The following SDK1 variants were observed in gnomAD, a reference collection of about 807,000 sequenced individuals.
The protein encoded by SDK1 is sidekick cell adhesion molecule 1, also known as protein sidekick-1.
Under a neutral mutation model 245.5 loss-of-function variants are expected in SDK1, and 157 were observed. The observed-to-expected ratio is 0.64, with a 90% confidence interval of 0.56 to 0.73. The LOEUF is 0.73. Among genes scored for constraint, SDK1 ranks in the 30% least tolerant of loss-of-function variants. SDK1 has a pLI of 0.00. For missense variants in SDK1, 3,583 were observed against 3,002.3 expected (o/e 1.19, Z -4.52); for synonymous variants, 1,647 against 1,278.5 (o/e 1.29, Z -6.15).
At chr7:4,136,430 A>C (rs989712906) in intron 28 of SDK1, among the ~76,000 whole-genome samples, 2 of 152,252 alleles carry the variant, frequency 1.3e-5, no homozygotes, top group Non-Finnish European at 2.9e-5. Context: ...TTCTGAGTAC[A>C]TAAACACCTC....
At chr7:4,227,005 C>A in intron 40 of SDK1, 1 of 171,668 alleles carries the variant, frequency 5.8e-6, no homozygotes, top group South Asian at 1.5e-4. Context: ...GGACAGGTCC[C>A]GTGCCTGATG....
intron 1 of SDK1, among the ~76,000 whole-genome samples, chr7:3,526,353 A>G (rs1783130645): frequency 6.6e-6 from 1 of 152,160 alleles, no homozygotes; most frequent in South Asian, 2.1e-4. Flanking sequence ...TAATCTGGCA[A>G]TATTTTTCAC....
rs576927647 is a variant in SDK1, at chr7:3,795,716, C to G, written c.714-25734C>G. Among the ~76,000 whole-genome samples, 3 of 152,210 alleles carry G rather than the reference C, an allele frequency of 2.0e-5. No homozygotes were observed. In the East Asian group the frequency reaches 5.8e-4, roughly 29 times the overall value. ...ACAGATACCTGACTTAAAATGTGCC[C>G]TTTCTGAAGCATCAACTCTGAAAGT... On this transcript the variant is annotated intron_variant, in intron 4 of 44. Coordinates refer to ENST00000404826, the MANE Select transcript of SDK1 (RefSeq NM_152744.4).
rs1424788460 is a variant in SDK1, at chr7:4,268,068, C to CA, written c.*2688dup. On this transcript the variant is annotated 3_prime_UTR_variant, in exon 45 of 45. Transcript: ENST00000404826. ...ATCTCGGTTTTAAAAAGAGGACAAACAAAATGTCTCTAAGCCAGGCTAGAT... is the reference window on the plus strand; with the variant it reads ...ATCTCGGTTTTAAAAAGAGGACAAACAAAAATGTCTCTAAGCCAGGCTAGAT... The CA allele has an allele frequency of 1.0e-6, 1 of 985,288 alleles. No individual in the cohort carries two copies. The highest frequency in any genetic ancestry group is 1.2e-6 in the Non-Finnish European group (1 of 829,936). The allele number at this position is 985,288 out of a possible 1,614,324, so 61.0% of individuals were successfully genotyped here. A position where few individuals can be genotyped will look rare whatever the true frequency, so the allele number is the denominator to read the frequency against.
rs1783217855 is a variant in SDK1, at chr7:3,979,367, G to A, written c.1994+4822G>A. On this transcript the variant is annotated intron_variant, in intron 13 of 44. Transcript: ENST00000404826. ...TCCTAACAGCACCCTGCCTCCTGGG[G>A]CTGGGAACTTTCTAGCCCTTTACCC... 2.0e-5 allele frequency among the ~76,000 whole-genome samples: 3 copies of A among 152,180 alleles called. No homozygotes were observed. In the East Asian group the frequency reaches 5.8e-4, roughly 29 times the overall value.
At chr7:4,180,057 G>A (rs898454407) in intron 35 of SDK1, among the ~76,000 whole-genome samples, 12 of 152,098 alleles carry the variant, frequency 7.9e-5, no homozygotes, top group African/African-American at 2.7e-4. Flanking sequence ...AGAGAAAAGA[G>A]CTTCAGCAAG....
At chr7:3,415,182 A>G (rs1779326099) in intron 1 of SDK1, among the ~76,000 whole-genome samples, 1 of 152,178 alleles carries the variant, frequency 6.6e-6, no homozygotes, top group South Asian at 2.1e-4. Context: ...TATGAAAGGA[A>G]CCTGAAGTAC....
rs538791815 is a variant in SDK1 at position 3,371,570 on chromosome 7, G to A, written c.298+69686G>A. On this transcript the variant is annotated intron_variant, in intron 1 of 44. Transcript: ENST00000404826. ...AAAGCTGATCGAAATAAAAGAATGCGAGGAAACCAAAACTGCAATGAGACT... is the reference window on the plus strand; with the variant it reads ...AAAGCTGATCGAAATAAAAGAATGCAAGGAAACCAAAACTGCAATGAGACT... Among the ~76,000 whole-genome samples, 78 of 152,286 alleles carry A rather than the reference G, an allele frequency of 5.1e-4. 1 individual carries two copies. The highest frequency in any genetic ancestry group is 8.4e-4 in the Non-Finnish European group (57 of 68,024).
chr7:4,174,429 C>T lies in SDK1; in HGVS notation c.4936+72C>T, dbSNP rs374102554. The T allele has an allele frequency of 2.1e-5, 31 of 1,478,898 alleles. 1 individual carries two copies. The South Asian group carries it at 2.8e-4, about 13-fold the overall frequency. 91.6% of individuals were successfully genotyped at this position (1,478,898 alleles called of 1,614,324 possible). The stretch of plus-strand genomic sequence containing the variant: ...GGACCCTTGGTATCTGCTCAGTGCA[C>T]ATCATGGTGGGAAACGCTGTGGAAG... On this transcript the variant is annotated intron_variant, in intron 33 of 44. Coordinates refer to ENST00000404826, the MANE Select transcript of SDK1 (RefSeq NM_152744.4).
At chr7:4,106,217 A>G (rs758465799) in intron 22 of SDK1, among the ~76,000 whole-genome samples, 27 of 152,084 alleles carry the variant, frequency 1.8e-4, no homozygotes, top group African/African-American at 6.3e-4. Context: ...GGGCCTAGCA[A>G]TGGCTCCCTC....
intron 4 of SDK1, among the ~76,000 whole-genome samples, chr7:3,784,736 A>T (rs1400168603): frequency 6.6e-6 from 1 of 152,224 alleles, no homozygotes; most frequent in East Asian, 1.9e-4. Context: ...ATGTGAAGGA[A>T]AGGGAACCCT....
At chr7:3,574,362 CG>C (rs1562573166) in intron 1 of SDK1, among the ~76,000 whole-genome samples, 1 of 151,980 alleles carries the variant, frequency 6.6e-6, no homozygotes, top group Non-Finnish European at 1.5e-5. Context: ...ATGATTCGCC[CG>C]CCTCAGCTTC....
At chr7:3,395,355 G>C (rs1478558974) in intron 1 of SDK1, among the ~76,000 whole-genome samples, 47 of 151,692 alleles carry the variant, frequency 3.1e-4, no homozygotes, top group Non-Finnish European at 1.5e-5. Flanking sequence ...ATATGTTGTT[G>C]AATTTGGTTC....
chr7:3,687,097 A>ACACACACACACACACACACG (rs1784308387), intron 4 of SDK1, among the ~76,000 whole-genome samples: 2 of 150,642 alleles, frequency 1.3e-5, no homozygotes, highest in African/African-American at 4.9e-5. Flanking sequence ...ACACACACAC[A>ACACACACACACACACACACG]CACCACCCTG....
At chr7:3,685,046 G>A (rs1050899862) in intron 4 of SDK1, among the ~76,000 whole-genome samples, 1 of 152,144 alleles carries the variant, frequency 6.6e-6, no homozygotes, top group Non-Finnish European at 1.5e-5. Context: ...AAGGAGATGA[G>A]AAAGAAGGTT....
At chr7:3,536,741 C>G (rs1169169024) in intron 1 of SDK1, among the ~76,000 whole-genome samples, 1 of 151,452 alleles carries the variant, frequency 6.6e-6, no homozygotes, top group South Asian at 2.1e-4. Context: ...TGAAAAGTGT[C>G]TGAAAGTAAA....
At chr7:3,453,917 G>T (rs1478103102) in intron 1 of SDK1, among the ~76,000 whole-genome samples, 3 of 152,004 alleles carry the variant, frequency 2.0e-5, no homozygotes, top group African/African-American at 4.8e-5. Context: ...CATTTGGATT[G>T]ACTGTTAAGT....
chr7:3,885,434 G>A (rs1041035798), intron 5 of SDK1, among the ~76,000 whole-genome samples: 2 of 152,070 alleles, frequency 1.3e-5, no homozygotes, highest in Admixed American at 6.6e-5. Context: ...TGATTTATTT[G>A]CTCTGTTTTC....
intron 5 of SDK1, among the ~76,000 whole-genome samples, chr7:3,834,871 C>A (rs1002138890): frequency 6.6e-6 from 1 of 152,082 alleles, no homozygotes; most frequent in Non-Finnish European, 1.5e-5. Flanking sequence ...TTTCCTGGTC[C>A]CCTCTCCGTC....
Sources: allele counts gnomAD v4.1 joint callset (sites outside exome capture counted in the v4.1 genomes callset), GRCh38; gene constraint gnomAD v4.1.1; transcripts MANE v1.5; gene names NCBI Gene and HGNC (gene_info 2026-07-23, HGNC 2026-07-21).